The following RALGPS2 variants were observed in gnomAD, a reference collection of about 807,000 sequenced individuals.
The protein encoded by RALGPS2 is Ral GEF with PH domain and SH3 binding motif 2.
Under a neutral mutation model 86.8 loss-of-function variants are expected in RALGPS2, and 43 were observed. That is an observed-to-expected ratio of 0.50 (90% CI 0.39 to 0.64). The LOEUF (loss-of-function observed/expected upper bound fraction) is 0.64. RALGPS2 is among the 30% of genes least tolerant of loss of function. The pLI, the probability that RALGPS2 is intolerant of heterozygous loss-of-function variation, is 0.00. For missense variants in RALGPS2, 536 were observed against 694.6 expected (o/e 0.77, Z 2.57); for synonymous variants, 243 against 231.3 (o/e 1.05, Z -0.46).
At chr1:178,871,338 G>C (rs920536976) in intron 8 of RALGPS2, among the ~76,000 whole-genome samples, 2 of 151,882 alleles carry the variant, frequency 1.3e-5, no homozygotes, top group African/African-American at 4.8e-5. Context: ...TAGTCTGCTG[G>C]CCAGAGATCT....
intron 1 of RALGPS2, among the ~76,000 whole-genome samples, chr1:178,736,637 C>A (rs2102013310): frequency 6.6e-6 from 1 of 152,224 alleles, no homozygotes; most frequent in East Asian, 1.9e-4. Flanking sequence ...GTGGCTCACA[C>A]CTGTAATCTC....
intron 17 of RALGPS2, among the ~76,000 whole-genome samples, chr1:178,900,283 G>A (rs577614874): frequency 2.8e-4 from 43 of 151,940 alleles, no homozygotes; most frequent in Non-Finnish European, 4.7e-4. Flanking sequence ...ATTCTATAAA[G>A]TATATATTTT....
rs147272398 is a variant in RALGPS2 at position 178,857,631 on chromosome 1, ATATT to A, written c.608-19863_608-19860del. Among the ~76,000 whole-genome samples the A allele has an allele frequency of 2.6e-3, 399 of 152,316 alleles. 2 individuals are homozygous for A. Among genetic ancestry groups the A allele is most frequent in the African/African-American group, 8.5e-3 (353 of 41,588 alleles). On this transcript the variant is annotated intron_variant, in intron 8 of 19. Transcript: ENST00000367635. ...AAAGTAGTTTTGTTACAACATATAT[ATATT>A]TATCTCATTTTATAAATTTGCATAT... is the stretch of plus-strand genomic sequence containing the variant.
At chr1:178,901,987 T>C in intron 17 of RALGPS2, 119 bp from the exon 18 acceptor site, 1 of 704,688 alleles carries the variant, frequency 1.4e-6, no homozygotes, top group Non-Finnish European at 2.4e-6. Context: ...GAGACCAGCA[T>C]GAAGTCACAA....
chr1:178,749,558 T>C (rs1425724977), intron 1 of RALGPS2, among the ~76,000 whole-genome samples: 2 of 152,110 alleles, frequency 1.3e-5, no homozygotes, highest in Admixed American at 1.3e-4. Context: ...AGGACAATGA[T>C]TTGGATTGGT....
intron 4 of RALGPS2, among the ~76,000 whole-genome samples, chr1:178,806,194 G>A (rs964063023): frequency 1.3e-5 from 2 of 152,074 alleles, no homozygotes; most frequent in African/African-American, 4.8e-5. Context: ...AGTTCTCAGA[G>A]AGTAGGTACA....
intron 4 of RALGPS2, among the ~76,000 whole-genome samples, chr1:178,789,733 G>A (rs1041665342): frequency 6.6e-6 from 1 of 152,150 alleles, no homozygotes; most frequent in Admixed American, 6.5e-5. Context: ...GTGAATACAG[G>A]TACTTGATTT....
intron 1 of RALGPS2, among the ~76,000 whole-genome samples, chr1:178,740,831 C>T (rs4652319): frequency 0.25 from 37,494 of 152,010 alleles, 5,204 homozygotes; most frequent in Non-Finnish European, 0.32. Flanking sequence ...AGACATTTGA[C>T]ATTAGAATTC....
chr1:178,878,224 A>AT (rs145475710), intron 9 of RALGPS2, among the ~76,000 whole-genome samples: 20 of 152,034 alleles, frequency 1.3e-4, no homozygotes, highest in Non-Finnish European at 2.1e-4. Context: ...GAGAAAAGGC[A>AT]TTTTTTTTAA....
intron 5 of RALGPS2, among the ~76,000 whole-genome samples, chr1:178,808,974 G>T (rs985164772): frequency 1.3e-5 from 2 of 151,960 alleles, no homozygotes; most frequent in Non-Finnish European, 2.9e-5. Context: ...AGCCTCTCAG[G>T]TAGCCAGGAC....
At chr1:178,725,553 G>C (rs1422349947) in intron 1 of RALGPS2, 134 bp downstream of exon 1, 1 of 152,160 alleles carries the variant, frequency 6.6e-6, no homozygotes, top group Non-Finnish European at 1.5e-5. Flanking sequence ...CGGGCCCCGG[G>C]GCTGCTCGCC....
At chr1:178,879,144 C>G in intron 10 of RALGPS2, 152 bp downstream of exon 10, 1 of 1,070,660 alleles carries the variant, frequency 9.3e-7, no homozygotes, top group Non-Finnish European at 1.3e-6. Context: ...TGTATTACTT[C>G]TTAATCACTT....
chr1:178,861,291 TAATG>T (rs1441282096), intron 8 of RALGPS2, among the ~76,000 whole-genome samples: 1 of 152,146 alleles, frequency 6.6e-6, no homozygotes, highest in Non-Finnish European at 1.5e-5. Context: ...ATAAAACAAA[TAATG>T]AATAACAGAA....
chr1:178,774,550 A>C (rs1652984816), intron 1 of RALGPS2, among the ~76,000 whole-genome samples: 1 of 152,202 alleles, frequency 6.6e-6, no homozygotes, highest in Non-Finnish European at 1.5e-5. Flanking sequence ...TATTTTGCAA[A>C]CTGAGTGCTA....
At chr1:178,771,460 C>T (rs571936473) in intron 1 of RALGPS2, among the ~76,000 whole-genome samples, 10 of 152,258 alleles carry the variant, frequency 6.6e-5, no homozygotes, top group African/African-American at 2.2e-4. Context: ...GTGTCCTTCC[C>T]GGAGTATCAT....
chr1:178,815,291 G>A (rs1334468518), intron 6 of RALGPS2, among the ~76,000 whole-genome samples: 2 of 151,228 alleles, frequency 1.3e-5, no homozygotes, highest in Non-Finnish European at 3.0e-5. Context: ...TGCCATGTTG[G>A]TCAGGCTGGT....
Position 178,742,169 on chromosome 1 carries a change from G to T in RALGPS2, c.-84+16750G>T, listed in dbSNP as rs150664097. Among the ~76,000 whole-genome samples, 1,070 of 149,752 alleles carry T rather than the reference G, an allele frequency of 7.1e-3. 6 individuals carry two copies. The highest frequency in any genetic ancestry group is 0.011 in the Non-Finnish European group (736 of 67,616). On this transcript the variant is annotated intron_variant, in intron 1 of 19. Transcript: ENST00000367635. ...AAAAAAAAGAAGAAGAAGCAGAAAT[G>T]GTGAGATTGGATTAAAAAAACAAGA...
At chr1:178,892,930 A>C (rs1659780140) in intron 15 of RALGPS2, among the ~76,000 whole-genome samples, 1 of 152,050 alleles carries the variant, frequency 6.6e-6, no homozygotes, top group Admixed American at 6.6e-5. Flanking sequence ...TCAGAAGCAA[A>C]CTTTACGTCA....
chr1:178,737,618 C>A (rs28693998), intron 1 of RALGPS2, among the ~76,000 whole-genome samples: 3,764 of 152,168 alleles, frequency 0.025, 151 homozygotes, highest in African/African-American at 0.086. Context: ...GATAGCCTTT[C>A]CTATGTCAGA....
Sources: gnomAD v4.1 joint callset for allele counts (sites outside exome capture counted in the v4.1 genomes callset) on GRCh38, gnomAD v4.1.1 for gene constraint, MANE v1.5 for transcripts, NCBI Gene and HGNC (gene_info 2026-07-23, HGNC 2026-07-21) for gene names.